Variants in HOMER2 observed in about 807,000 individuals in gnomAD.
HOMER2 encodes the protein homer protein homolog 2.
In HOMER2, 27 loss-of-function variants were observed where a neutral mutation model predicts 47.0. That is an observed-to-expected ratio of 0.57 (90% CI 0.42 to 0.79). HOMER2 has a LOEUF of 0.79. Among genes scored for constraint, HOMER2 ranks in the 30% least tolerant of loss-of-function variants. The probability of loss-of-function intolerance (pLI) is 0.00; values close to 1 mark genes in which losing one functional copy is unlikely to be tolerated. For missense variants in HOMER2, 443 were observed against 435.0 expected (o/e 1.02, Z -0.16); for synonymous variants, 161 against 163.8 (o/e 0.98, Z 0.13).
intron 4 of HOMER2, among the ~76,000 whole-genome samples, chr15:82,863,272 C>G (rs2051853277): frequency 1.3e-5 from 2 of 152,176 alleles, no homozygotes; most frequent in African/African-American, 2.4e-5. Flanking sequence ...CCCTCCCTGC[C>G]TGCCTTACCA....
At chr15:82,973,468 G>A (rs1314310027) in intron 1 of HOMER2, among the ~76,000 whole-genome samples, 1 of 152,158 alleles carries the variant, frequency 6.6e-6, no homozygotes, top group African/African-American at 2.4e-5. Context: ...CCCAGTGCCT[G>A]GCATGTAGTA....
intron 1 of HOMER2, among the ~76,000 whole-genome samples, chr15:82,967,803 G>C (rs1353657478): frequency 1.3e-5 from 2 of 151,456 alleles, no homozygotes; most frequent in African/African-American, 4.9e-5. Flanking sequence ...CTTGCACCCG[G>C]AAAGCGGAGG....
At chr15:82,972,285 T>C (rs939447117) in intron 1 of HOMER2, among the ~76,000 whole-genome samples, 1 of 152,204 alleles carries the variant, frequency 6.6e-6, no homozygotes, top group African/African-American at 2.4e-5. Context: ...GCCTTAACCA[T>C]CCAAGAACTC....
intron 1 of HOMER2, among the ~76,000 whole-genome samples, chr15:82,918,714 T>C (rs1360384891): frequency 6.6e-6 from 1 of 152,148 alleles, no homozygotes; most frequent in Non-Finnish European, 1.5e-5. Flanking sequence ...ACTGGATCTG[T>C]CACTATGGCA....
intron 1 of HOMER2, among the ~76,000 whole-genome samples, chr15:82,949,397 G>A (rs1213471186): frequency 6.6e-6 from 1 of 152,114 alleles, no homozygotes; most frequent in Non-Finnish European, 1.5e-5. Flanking sequence ...GGAAACAGTG[G>A]GGCCAGAGGA....
intron 1 of HOMER2, among the ~76,000 whole-genome samples, chr15:82,901,156 C>G (rs1011340810): frequency 6.6e-6 from 1 of 152,158 alleles, no homozygotes; most frequent in Non-Finnish European, 1.5e-5. Context: ...GCCATCAGAT[C>G]CATTCTCATG....
chr15:82,890,897 A>G (rs1002888091), intron 2 of HOMER2, among the ~76,000 whole-genome samples: 1 of 152,106 alleles, frequency 6.6e-6, no homozygotes, highest in Non-Finnish European at 1.5e-5. Context: ...CACAGAGGAG[A>G]GAAACGGTAA....
At chr15:82,855,388 G>A (rs1668368626) in intron 5 of HOMER2, among the ~76,000 whole-genome samples, 1 of 150,734 alleles carries the variant, frequency 6.6e-6, no homozygotes, top group African/African-American at 2.4e-5. Flanking sequence ...ACAAAGCTAG[G>A]CATGAGGGCT....
At chr15:82,851,986 A>T (rs1404090199) in intron 7 of HOMER2, among the ~76,000 whole-genome samples, 156 bp downstream of exon 7, 1 of 152,222 alleles carries the variant, frequency 6.6e-6, no homozygotes, top group Non-Finnish European at 1.5e-5. Flanking sequence ...CCTTTGCTCC[A>T]GCCTGTCTGC....
At chr15:82,898,147 CTTT>C (rs1484416943) in intron 1 of HOMER2, among the ~76,000 whole-genome samples, 2 of 152,198 alleles carry the variant, frequency 1.3e-5, no homozygotes, top group Admixed American at 1.3e-4. Flanking sequence ...ATCTTAACAC[CTTT>C]ATGGGCAAAA....
intron 3 of HOMER2, among the ~76,000 whole-genome samples, chr15:82,868,097 T>C (rs957602992): frequency 6.6e-6 from 1 of 152,204 alleles, no homozygotes; most frequent in African/African-American, 2.4e-5. Flanking sequence ...AAAAAAATAT[T>C]TTTTTCATAT....
chr15:82,985,881 C>T (rs369226969), upstream of HOMER2: 43 of 166,644 alleles, frequency 2.6e-4, no homozygotes, highest in African/African-American at 9.3e-4. Flanking sequence ...ACGTTCCCCA[C>T]GAAGACTCCG....
At chr15:82,941,657 C>T (rs2054269519) in intron 1 of HOMER2, among the ~76,000 whole-genome samples, 2 of 151,762 alleles carry the variant, frequency 1.3e-5, no homozygotes, top group Non-Finnish European at 2.9e-5. Context: ...CCCTGACCTC[C>T]AGCCTCACCT....
chr15:82,977,249 G>C (rs2030237123), intron 1 of HOMER2, among the ~76,000 whole-genome samples: 1 of 152,168 alleles, frequency 6.6e-6, no homozygotes, highest in Non-Finnish European at 1.5e-5. Flanking sequence ...TAGGGAGGTT[G>C]TTAAACACCT....
chr15:82,875,014 G>A (rs2151069627), intron 3 of HOMER2, among the ~76,000 whole-genome samples: 1 of 152,276 alleles, frequency 6.6e-6, no homozygotes, highest in African/African-American at 2.4e-5. Context: ...CACCTGGAGG[G>A]GAGGATGGAC....
intron 4 of HOMER2, among the ~76,000 whole-genome samples, chr15:82,860,273 C>T (rs1263512127): frequency 1.3e-5 from 2 of 152,014 alleles, no homozygotes; most frequent in East Asian, 1.9e-4. Context: ...AGTATCTTTC[C>T]TATATTGACA....
intron 3 of HOMER2, among the ~76,000 whole-genome samples, chr15:82,868,541 A>ATTTTTTTTTTTTT (rs10678643): frequency 1.4e-5 from 1 of 71,290 alleles, no homozygotes; most frequent in Non-Finnish European, 2.8e-5. Flanking sequence ...ATATATATAT[A>ATTTTTTTTTTTTT]TTTTTTTTTT....
At chr15:82,878,268 T>A (rs1191554003) in intron 2 of HOMER2, among the ~76,000 whole-genome samples, 1 of 152,166 alleles carries the variant, frequency 6.6e-6, no homozygotes, top group Non-Finnish European at 1.5e-5. Flanking sequence ...CAAGCTAGAA[T>A]AACAATGGTG....
In HOMER2 at chr15:82,888,763, T is replaced by TGC. The variant is rs1178952443; in HGVS notation, c.162+3920_162+3921dup. ...TCGCCCTGCTTCAGCTCGCGCACGG[T>TGC]GCGCACACACACTGGCCTGCGCCCA... On this transcript the variant is annotated intron_variant, in intron 2 of 8. Transcript: ENST00000450735. Among the ~76,000 whole-genome samples the TGC allele has an allele frequency of 2.4e-5, 2 of 83,390 alleles. 1 individual carries two copies. Among genetic ancestry groups the TGC allele is most frequent in the Non-Finnish European group, 4.5e-5 (2 of 44,296 alleles). The allele number at this position is 83,390 out of a possible 152,430, so 54.7% of individuals were successfully genotyped here.
Sources: gnomAD v4.1 joint callset for allele counts (sites outside exome capture counted in the v4.1 genomes callset) on GRCh38, gnomAD v4.1.1 for gene constraint, MANE v1.5 for transcripts, NCBI Gene and HGNC (gene_info 2026-07-23, HGNC 2026-07-21) for gene names.